Variants in NRXN3 observed in about 807,000 individuals in gnomAD.
NRXN3 encodes the protein neurexin 3.
NRXN3 carries 32 observed loss-of-function variants against 137.6 expected under a neutral mutation model. The ratio of observed to expected loss-of-function variants is 0.23; its 90% CI spans 0.18 to 0.31. The LOEUF (loss-of-function observed/expected upper bound fraction) is 0.31. Ranked by LOEUF, NRXN3 falls within the 10% of genes least tolerant of loss-of-function variation. The pLI, the probability that NRXN3 is intolerant of heterozygous loss-of-function variation, is 1.00. For missense variants in NRXN3, 1,574 were observed against 2,062.5 expected, an observed-to-expected ratio of 0.76 and a Z score of 4.59; for synonymous variants, 798 against 784.5, an observed-to-expected ratio of 1.02 and a Z score of -0.29.
intron 10 of NRXN3, among the ~76,000 whole-genome samples, chr14:78,826,692 A>G (rs1302452082): frequency 6.6e-6 from 1 of 152,222 alleles, no homozygotes; most frequent in Non-Finnish European, 1.5e-5. Flanking sequence ...GTGTTTGTCT[A>G]CCATATAATC....
At chr14:79,419,326 C>T (rs528721990) in intron 15 of NRXN3, among the ~76,000 whole-genome samples, 1 of 152,198 alleles carries the variant, frequency 6.6e-6, no homozygotes, top group East Asian at 1.9e-4. Flanking sequence ...AAGAATGATC[C>T]TAAGACAAAA....
chr14:78,925,970 G>A (rs2099288503), intron 10 of NRXN3, among the ~76,000 whole-genome samples: 1 of 152,018 alleles, frequency 6.6e-6, no homozygotes, highest in African/African-American at 2.4e-5. Context: ...GTTTACATAG[G>A]GACTATTCAA....
At chr14:79,486,983 T>TA (rs773838278) in intron 16 of NRXN3, among the ~76,000 whole-genome samples, 3 of 144,116 alleles carry the variant, frequency 2.1e-5, no homozygotes, top group East Asian at 4.6e-4. Flanking sequence ...CACCCCAAGA[T>TA]AAAATCCAAA....
At chr14:79,688,976 T>C (rs866851630) in intron 17 of NRXN3, among the ~76,000 whole-genome samples, 7 of 152,124 alleles carry the variant, frequency 4.6e-5, no homozygotes, top group Non-Finnish European at 7.4e-5. Flanking sequence ...TCCACAGAAG[T>C]AATTTAAGAA....
intron 19 of NRXN3, among the ~76,000 whole-genome samples, chr14:79,760,322 C>T (rs1180535951): frequency 1.3e-5 from 2 of 151,416 alleles, no homozygotes; most frequent in Non-Finnish European, 2.9e-5. Context: ...GACCCAGAAC[C>T]TCCTAATACA....
intron 4 of NRXN3, among the ~76,000 whole-genome samples, chr14:78,510,717 T>A (rs2096088013): frequency 6.6e-6 from 1 of 152,190 alleles, no homozygotes; most frequent in Non-Finnish European, 1.5e-5. Context: ...GTCAATCTCT[T>A]GCTTTTTTCC....
chr14:78,763,732 A>G (rs1353919927), intron 8 of NRXN3, among the ~76,000 whole-genome samples: 1 of 152,172 alleles, frequency 6.6e-6, no homozygotes, highest in African/African-American at 2.4e-5. Context: ...GCATGCACCT[A>G]GAGAGAGGTG....
intron 6 of NRXN3, among the ~76,000 whole-genome samples, chr14:78,678,301 G>A (rs921316179): frequency 6.7e-5 from 10 of 150,338 alleles, no homozygotes; most frequent in African/African-American, 2.4e-4. Flanking sequence ...CATATTAACT[G>A]TTACTTCATG....
At chr14:78,426,352 G>A (rs2093664399) in intron 4 of NRXN3, among the ~76,000 whole-genome samples, 1 of 152,186 alleles carries the variant, frequency 6.6e-6, no homozygotes, top group African/African-American at 2.4e-5. Context: ...TTGACAGTAG[G>A]GACTCTGCAT....
intron 15 of NRXN3, among the ~76,000 whole-genome samples, chr14:79,305,928 A>C (rs530629838): frequency 6.6e-6 from 1 of 152,078 alleles, no homozygotes; most frequent in Non-Finnish European, 1.5e-5. Context: ...CCTGGTATCA[A>C]TGGGACTGGG....
intron 4 of NRXN3, among the ~76,000 whole-genome samples, chr14:78,350,183 G>A (rs545232068): frequency 3.9e-5 from 6 of 152,194 alleles, no homozygotes; most frequent in Non-Finnish European, 5.9e-5. Context: ...CAGCTACTCC[G>A]GAGGATGAGG....
intron 15 of NRXN3, among the ~76,000 whole-genome samples, chr14:79,089,432 A>G (rs1413655347): frequency 6.6e-6 from 1 of 152,142 alleles, no homozygotes; most frequent in East Asian, 1.9e-4. Flanking sequence ...ATAAAAACAT[A>G]GTTGAGAATG....
chr14:78,928,707 A>G (rs2099313211), intron 10 of NRXN3, among the ~76,000 whole-genome samples: 1 of 150,074 alleles, frequency 6.7e-6, no homozygotes, highest in South Asian at 2.1e-4. Context: ...TCATTGTTGG[A>G]CATTTGGGTT....
At chr14:79,286,531 G>GAAT (rs968413488) in intron 15 of NRXN3, among the ~76,000 whole-genome samples, 13 of 126,864 alleles carry the variant, frequency 1.0e-4, no homozygotes, top group Non-Finnish European at 1.6e-4. Flanking sequence ...ATGATTGAGA[G>GAAT]AATAATATAT....
chr14:79,825,978 C>CAT (rs928908892), intron 20 of NRXN3, among the ~76,000 whole-genome samples: 7 of 150,234 alleles, frequency 4.7e-5, no homozygotes, highest in East Asian at 4.0e-4. Context: ...CCAAATTACA[C>CAT]ATATATATAC....
intron 10 of NRXN3, among the ~76,000 whole-genome samples, chr14:78,873,078 T>C (rs552423095): frequency 3.0e-4 from 46 of 152,204 alleles, no homozygotes; most frequent in Non-Finnish European, 5.6e-4. Context: ...TGGCTCTGCC[T>C]TCAGAAATAT....
At chr14:78,334,468 C>T (rs2081221436) in intron 4 of NRXN3, among the ~76,000 whole-genome samples, 1 of 152,138 alleles carries the variant, frequency 6.6e-6, no homozygotes, top group African/African-American at 2.4e-5. Flanking sequence ...CCATTGTCTT[C>T]CCATGGAAGA....
In NRXN3 at chr14:78,512,767, C is replaced by T. The variant is rs143170601; in HGVS notation, c.758-132353C>T. ...TTCCTGCCAAAGTTCTCCTACAACC[C>T]TAAGAGATAAAAAAGGAACCTGCAG... On this transcript the variant is annotated intron_variant, in intron 4 of 20. Coordinates refer to ENST00000335750, the MANE Select transcript of NRXN3 (RefSeq NM_001330195.2). 1.0e-3 allele frequency among the ~76,000 whole-genome samples: 158 copies of T among 152,192 alleles called. 4 individuals are homozygous for T. The East Asian group carries it at 0.029, about 28-fold the overall frequency.
intron 19 of NRXN3, 59 bp downstream of exon 19, chr14:79,697,996 C>A: frequency 6.9e-7 from 1 of 1,454,980 alleles, no homozygotes. Context: ...ACATTGTTAT[C>A]ATGGTCATTG....
Sources: allele counts gnomAD v4.1 joint callset (sites outside exome capture counted in the v4.1 genomes callset), GRCh38; gene constraint gnomAD v4.1.1; transcripts MANE v1.5; gene names NCBI Gene and HGNC (gene_info 2026-07-23, HGNC 2026-07-21).